CDC27: variants seen among roughly 807,000 people sequenced by gnomAD.
The protein encoded by CDC27 is cell division cycle 27.
Under a neutral mutation model 109.7 loss-of-function variants are expected in CDC27, and 27 were observed. That is an observed-to-expected ratio of 0.25 (90% CI 0.18 to 0.34). The LOEUF (loss-of-function observed/expected upper bound fraction) is 0.34. Among genes scored for constraint, CDC27 ranks in the 10% least tolerant of loss-of-function variants. CDC27 has a pLI of 1.00. For missense variants in CDC27, 579 were observed against 960.2 expected (o/e 0.60, Z 5.25); for synonymous variants, 266 against 333.9 (o/e 0.80, Z 2.22).
chr17:47,181,844 C>A (rs2064252463), intron 1 of CDC27, among the ~76,000 whole-genome samples: 2 of 152,226 alleles, frequency 1.3e-5, no homozygotes, highest in Admixed American at 6.5e-5. Flanking sequence ...TCACTCAACT[C>A]TCTATGGACT....
At chr17:47,121,651 G>A (rs1009569866) in intron 18 of CDC27, among the ~76,000 whole-genome samples, 52 of 151,944 alleles carry the variant, frequency 3.4e-4, no homozygotes, top group Admixed American at 1.1e-3. Context: ...CTGGCTAGTC[G>A]TGAAATCCTA....
At chr17:47,159,268 A>G (rs907525582) in intron 4 of CDC27, 4 of 563,746 alleles carry the variant, frequency 7.1e-6, no homozygotes, top group African/African-American at 5.8e-5. Context: ...TGGTCAGTGA[A>G]TTCCCGATAG....
chr17:47,174,165 C>A (rs141857120), intron 2 of CDC27, among the ~76,000 whole-genome samples: 2 of 152,126 alleles, frequency 1.3e-5, no homozygotes, highest in Non-Finnish European at 2.9e-5. Context: ...TGTTGTGACA[C>A]GGGTGGTTTC....
Position 47,179,044 on chromosome 17 carries a change from T to C in CDC27, c.103+2518A>G, listed in dbSNP as rs140330371. Among the ~76,000 whole-genome samples, 656 of 152,290 alleles carry C rather than the reference T, an allele frequency of 4.3e-3. 20 individuals carry two copies. The highest frequency in any genetic ancestry group is 0.029 in the Admixed American group (439 of 15,276). On this transcript the variant is annotated intron_variant, in intron 2 of 18. Coordinates refer to ENST00000066544, the MANE Select transcript of CDC27 (RefSeq NM_001256.6). ...CTCAAATTCCCAACCTCAGGTGATCTGCCCACCTCAGCCTCCCAGATTCTC... is the reference window on the plus strand; with the variant it reads ...CTCAAATTCCCAACCTCAGGTGATCCGCCCACCTCAGCCTCCCAGATTCTC...
intron 4 of CDC27, chr17:47,159,449 A>T: frequency 1.5e-6 from 1 of 679,024 alleles, no homozygotes; most frequent in Non-Finnish European, 2.4e-6. Context: ...TCTTGGGCAC[A>T]CGTGCCAAGA....
chr17:47,127,097 AAAG>A (rs558200050), intron 16 of CDC27, among the ~76,000 whole-genome samples: 208 of 152,184 alleles, frequency 1.4e-3, no homozygotes, highest in African/African-American at 4.7e-3. Flanking sequence ...CCTGGCCCTA[AAAG>A]AAGGTTTTTA....
At position 47,132,777 on chromosome 17, in the gene CDC27, A is replaced by ATTATTATTATTG. The variant is rs370648589; in HGVS notation, c.1914-404_1914-403insCAATAATAATAA. ...TATTATTATTATTATTATTATTATT[A>ATTATTATTATTG]TTATATTTTAAAGATAGCACCTCAC... On this transcript the variant is annotated intron_variant, in intron 14 of 18. Coordinates refer to ENST00000066544, the MANE Select transcript of CDC27 (RefSeq NM_001256.6). Among the ~76,000 whole-genome samples the ATTATTATTATTG allele has an allele frequency of 5.3e-4, 71 of 132,818 alleles. 1 individual carries two copies. The highest frequency in any genetic ancestry group is 2.0e-3 in the East Asian group (9 of 4,520). The allele number at this position is 132,818 out of a possible 152,430, so 87.1% of individuals were successfully genotyped here.
At position 47,143,993 on chromosome 17, in the gene CDC27, A is replaced by T; in HGVS notation, c.1071-11T>A. The T allele has an allele frequency of 8.6e-7, 1 of 1,168,688 alleles. No individual in the cohort carries two copies. The highest frequency in any genetic ancestry group is 1.2e-6 in the Non-Finnish European group (1 of 864,236). 72.4% of individuals were successfully genotyped at this position (1,168,688 alleles called of 1,614,324 possible). A position where few individuals can be genotyped will look rare whatever the true frequency, so the allele number is the denominator to read the frequency against. On this transcript the variant is annotated splice_polypyrimidine_tract_variant and intron_variant, in intron 9 of 18. Coordinates refer to ENST00000066544, the MANE Select transcript of CDC27 (RefSeq NM_001256.6). The stretch of plus-strand genomic sequence containing the variant: ...ACCTGAGGTGTTGTACTAAAAAAAA[A>T]TTATAAAGGAAGACATTAATATTTT...
chr17:47,127,505 C>T (rs11570562), intron 16 of CDC27, among the ~76,000 whole-genome samples: 12,257 of 151,548 alleles, frequency 0.081, 569 homozygotes, highest in African/African-American at 0.11. Context: ...CAGTTTCAAG[C>T]GATTCTCCTG....
intron 4 of CDC27, among the ~76,000 whole-genome samples, chr17:47,163,206 T>C (rs2063546601): frequency 6.8e-6 from 1 of 146,060 alleles, no homozygotes; most frequent in Non-Finnish European, 1.5e-5. Context: ...AAGTCTCATG[T>C]GCTGTAATAG....
intron 1 of CDC27, among the ~76,000 whole-genome samples, chr17:47,187,003 A>C (rs1021043790): frequency 6.6e-6 from 1 of 151,924 alleles, no homozygotes; most frequent in East Asian, 1.9e-4. Flanking sequence ...CTGATCATTG[A>C]TCTTTATCAT....
At chr17:47,188,631 TG>T in intron 1 of CDC27, 1 of 459,964 alleles carries the variant, frequency 2.2e-6, no homozygotes, top group Non-Finnish European at 2.8e-6. Context: ...AAAGGAAACG[TG>T]GGATAGGAAG....
In CDC27 at chr17:47,157,392, G is replaced by C; in HGVS notation, c.476-8C>G. ...CAGGATCTGGCTTTTCACCTGTGAA[G>C]ACAAAAAAAAAAAAAGTTTGTCTCT... On this transcript the variant is annotated splice_region_variant and splice_polypyrimidine_tract_variant and intron_variant, in intron 5 of 18. Transcript: ENST00000066544. 4 of 1,417,312 alleles carry C rather than the reference G, an allele frequency of 2.8e-6. No individual in the cohort carries two copies. Among genetic ancestry groups the C allele is most frequent in the South Asian group, 2.8e-5 (2 of 72,156 alleles). The allele number at this position is 1,417,312 out of a possible 1,614,324, so 87.8% of individuals were successfully genotyped here.
At position 47,140,818 on chromosome 17, in the gene CDC27, T is replaced by A. The variant is rs539420136; in HGVS notation, c.1551+1035A>T. Among the ~76,000 whole-genome samples, 105 of 152,336 alleles carry A rather than the reference T, an allele frequency of 6.9e-4. No homozygotes were observed. The South Asian group carries it at 7.3e-3, about 11-fold the overall frequency. ...TCTTCAACTCTCTGTTCTGTACTAT[T>A]CAAAATTAAATTATATGAATAGGTA... On this transcript the variant is annotated intron_variant, in intron 12 of 18. Transcript: ENST00000066544.
At chr17:47,181,254 C>CAAAAAAAAAAAAAA (rs34104273) in intron 2 of CDC27, 1 of 31,214 alleles carries the variant, frequency 3.2e-5, no homozygotes, top group African/African-American at 1.2e-4. Context: ...GACCCTGTTT[C>CAAAAAAAAAAAAAA]AAAAAAAAAA....
chr17:47,134,029 G>A (rs990079674), intron 14 of CDC27, among the ~76,000 whole-genome samples: 5 of 152,098 alleles, frequency 3.3e-5, no homozygotes, highest in African/African-American at 9.7e-5. Context: ...GGGATTGCAG[G>A]TGTGAGCTAC....
rs62077269 is a variant in CDC27 at position 47,172,006 on chromosome 17, T to C, written c.162A>G (p.Ala54=). The change falls in exon 3 of 19, where the codon GCA becomes GCG. Residue 54 remains alanine (A), a synonymous_variant. Transcript: ENST00000066544. ...LATCYYRSGK[A]YKAYRLLKGH... ...CTTTCAAGAGTCTATATGCTTTATA[T>C]GCCTTTCCTGAGCGGTAATAACAGG... 70 of 1,601,250 alleles carry C rather than the reference T, an allele frequency of 4.4e-5. No homozygotes were observed. The highest frequency in any genetic ancestry group is 5.9e-5 in the Non-Finnish European group (69 of 1,174,138).
At chr17:47,164,439 T>G (rs1401372708) in intron 4 of CDC27, among the ~76,000 whole-genome samples, 2 of 152,252 alleles carry the variant, frequency 1.3e-5, no homozygotes, top group African/African-American at 4.8e-5. Context: ...ACAGTTCCCA[T>G]GTACCCTACA....
In CDC27 at chr17:47,154,692, T is replaced by G; in HGVS notation, c.937A>C (p.Thr313Pro). Residue 313 changes from threonine (T) to proline (P), a missense_variant, in exon 8 of 19, where the codon ACC becomes CCC. This residue lies in a region of CDC27 where 74 missense variants were observed against 148.9 expected (regional missense o/e 0.50). Transcript: ENST00000066544. The stretch of plus-strand genomic sequence containing the variant: ...AATACCTTTTTTGAAGGGGCTCCGG[T>G]GGATGGCACATCAATTACAGGAGGT... ...NTPPVIDVPS[T>P]GAPSKKSVAR... 1 of 1,594,110 alleles carries G rather than the reference T, an allele frequency of 6.3e-7. No homozygotes were observed. Among genetic ancestry groups the G allele is most frequent in the South Asian group, 1.1e-5 (1 of 90,304 alleles).
Sources: allele counts gnomAD v4.1 joint callset (sites outside exome capture counted in the v4.1 genomes callset), GRCh38; gene constraint gnomAD v4.1.1; regional missense constraint gnomAD v4.1.1; transcripts MANE v1.5; gene names NCBI Gene and HGNC (gene_info 2026-07-23, HGNC 2026-07-21).